MIB1: variants seen among roughly 807,000 people sequenced by gnomAD.
The protein encoded by MIB1 is MIB E3 ubiquitin protein ligase 1.
In MIB1, 278 loss-of-function variants were observed where a neutral mutation model predicts 124.5. That is an observed-to-expected ratio of 2.23 (90% CI 2.02 to 2.47). The LOEUF (loss-of-function observed/expected upper bound fraction) is 2.47. MIB1 is among the 30% of genes most tolerant of loss of function. MIB1 has a pLI of 0.00. For synonymous variants in MIB1, 446 were observed against 429.4 expected (o/e 1.04, Z -0.48); for missense variants, 957 against 1,254.4 (o/e 0.76, Z 3.58).
intron 3 of MIB1, among the ~76,000 whole-genome samples, chr18:21,771,846 G>A (rs1050182544): frequency 4.0e-5 from 6 of 150,926 alleles, no homozygotes; most frequent in African/African-American, 1.5e-4. Context: ...AAAAAAAAAC[G>A]AAAATTAGCC....
rs559554619 is a variant in MIB1 at position 21,870,449 on chromosome 18, G to A, written c.*5783G>A. The A allele has an allele frequency of 6.6e-6, 1 of 152,170 alleles. No homozygotes were observed. The highest frequency in any genetic ancestry group is 1.9e-4 in the East Asian group (1 of 5,178). The allele number at this position is 152,170 out of a possible 1,614,324, so 9.4% of individuals were successfully genotyped here. ...ATTTTAACACCTCACATTCTTTCAG[G>A]ATTAAGACATATGAAAATAGTCTGA... On this transcript the variant is annotated 3_prime_UTR_variant, in exon 21 of 21. Coordinates refer to ENST00000261537, the MANE Select transcript of MIB1 (RefSeq NM_020774.4).
intron 1 of MIB1, among the ~76,000 whole-genome samples, chr18:21,706,523 G>A (rs1001643995): frequency 6.6e-6 from 1 of 152,184 alleles, no homozygotes; most frequent in Non-Finnish European, 1.5e-5. Flanking sequence ...AGAGAGAGGC[G>A]TGGGCGGGAA....
chr18:21,843,124 C>A lies in MIB1; in HGVS notation c.1963-7C>A. 9 of 1,595,994 alleles carry A rather than the reference C, an allele frequency of 5.6e-6. No homozygotes were observed. Among genetic ancestry groups the A allele is most frequent in the South Asian group, 2.3e-5 (2 of 87,180 alleles). On this transcript the variant is annotated splice_region_variant and splice_polypyrimidine_tract_variant and intron_variant, in intron 13 of 20. Coordinates refer to ENST00000261537, the MANE Select transcript of MIB1 (RefSeq NM_020774.4). ...TTAACCATTTAACATTTGTTCTTCTCGTTCAGGGTAATGCAAACCTGGATA... is the reference window on the plus strand; with the variant it reads ...TTAACCATTTAACATTTGTTCTTCTAGTTCAGGGTAATGCAAACCTGGATA...
chr18:21,766,965 A>C (rs1250146326), intron 2 of MIB1, among the ~76,000 whole-genome samples: 1 of 152,224 alleles, frequency 6.6e-6, no homozygotes, highest in East Asian at 1.9e-4. Context: ...GATTATGTGA[A>C]TGAGAAAGAT....
At chr18:21,724,131 T>A (rs2040727097) in intron 1 of MIB1, 1 of 152,794 alleles carries the variant, frequency 6.5e-6, no homozygotes, top group Non-Finnish European at 1.5e-5. Flanking sequence ...CTGATCTGAG[T>A]ACAGTGGTGT....
intron 1 of MIB1, among the ~76,000 whole-genome samples, chr18:21,725,094 C>CAAAAAAAAAAAAAAAAAA (rs1218383555): frequency 2.3e-5 from 1 of 44,208 alleles, no homozygotes; most frequent in African/African-American, 8.3e-5. Flanking sequence ...GACTCTGTCT[C>CAAAAAAAAAAAAAAAAAA]AAAAAAAAAA....
At chr18:21,823,815 A>G (rs2041901094) in intron 12 of MIB1, among the ~76,000 whole-genome samples, 1 of 152,192 alleles carries the variant, frequency 6.6e-6, no homozygotes, top group Admixed American at 6.5e-5. Context: ...CTGATAGTTA[A>G]TATTTATAGG....
At chr18:21,754,111 A>G (rs1250245712) in intron 1 of MIB1, among the ~76,000 whole-genome samples, 1 of 152,222 alleles carries the variant, frequency 6.6e-6, no homozygotes, top group Non-Finnish European at 1.5e-5. Context: ...TGGCTCTGCC[A>G]GTAGGAGGCA....
At chr18:21,705,629 C>T (rs2040618383) in intron 1 of MIB1, among the ~76,000 whole-genome samples, 1 of 151,968 alleles carries the variant, frequency 6.6e-6, no homozygotes, top group African/African-American at 2.4e-5. Context: ...CTTAAACAGA[C>T]GAAAGAAGGG....
chr18:21,866,055 A>G lies in MIB1; in HGVS notation c.*1389A>G, dbSNP rs1423990052. On this transcript the variant is annotated 3_prime_UTR_variant, in exon 21 of 21. Transcript: ENST00000261537. ...ATCAGGTGTTTACATAGTGTCTACT[A>G]TATGCTGTTGATAAGCTTTTTCCTA... 6.6e-6 allele frequency: 1 copy of G among 152,194 alleles called. No individual in the cohort carries two copies. Among genetic ancestry groups the G allele is most frequent in the African/African-American group, 2.4e-5 (1 of 41,458 alleles). 9.4% of individuals were successfully genotyped at this position (152,194 alleles called of 1,614,324 possible). A position where few individuals can be genotyped will look rare whatever the true frequency, so the allele number is the denominator to read the frequency against.
chr18:21,859,911 AGG>A (rs1305521048), intron 20 of MIB1, among the ~76,000 whole-genome samples: 10 of 145,728 alleles, frequency 6.9e-5, no homozygotes, highest in South Asian at 2.1e-4. Flanking sequence ...AAAAAAAAAA[AGG>A]AAAAATGTGT....
At chr18:21,777,655 A>G (rs1355747503) in intron 4 of MIB1, among the ~76,000 whole-genome samples, 1 of 150,786 alleles carries the variant, frequency 6.6e-6, no homozygotes, top group Non-Finnish European at 1.5e-5. Context: ...CCCGGGTTCA[A>G]GCGATTCTCC....
intron 1 of MIB1, among the ~76,000 whole-genome samples, chr18:21,712,904 A>G (rs1434308843): frequency 2.0e-5 from 3 of 152,168 alleles, no homozygotes; most frequent in African/African-American, 7.2e-5. Context: ...ATAAATATTA[A>G]TGGCTCTTTT....
intron 12 of MIB1, among the ~76,000 whole-genome samples, chr18:21,831,665 G>C (rs1243929790): frequency 1.3e-5 from 2 of 151,382 alleles, no homozygotes; most frequent in East Asian, 1.9e-4. Flanking sequence ...TTTTTTTGAG[G>C]GGGGGTAAGC....
rs1201183546 is a variant in MIB1, at chr18:21,779,472, A to G, written c.704-9A>G. 6.2e-7 allele frequency: 1 copy of G among 1,613,214 alleles called. No homozygotes were observed. The highest frequency in any genetic ancestry group is 8.5e-7 in the Non-Finnish European group (1 of 1,179,232). ...TTCTCCCTTTATTCAATTGCCTCTGAAATTACAGGTGAGCAGAATGGCAAC... is the reference window on the plus strand; with the variant it reads ...TTCTCCCTTTATTCAATTGCCTCTGGAATTACAGGTGAGCAGAATGGCAAC... On this transcript the variant is annotated splice_polypyrimidine_tract_variant and intron_variant, in intron 5 of 20. Coordinates refer to ENST00000261537, the MANE Select transcript of MIB1 (RefSeq NM_020774.4).
At chr18:21,764,922 G>T (rs2041139832) in intron 1 of MIB1, among the ~76,000 whole-genome samples, 1 of 152,048 alleles carries the variant, frequency 6.6e-6, no homozygotes, top group Non-Finnish European at 1.5e-5. Flanking sequence ...CATCCAGGAT[G>T]TGTTTATAAA....
At chr18:21,735,444 T>C (rs1271086593) in intron 1 of MIB1, among the ~76,000 whole-genome samples, 1 of 151,194 alleles carries the variant, frequency 6.6e-6, no homozygotes, top group Non-Finnish European at 1.5e-5. Flanking sequence ...TGGGTGGTCA[T>C]TTGGGCAGAT....
At chr18:21,778,702 TTTTC>T (rs1426075665) in intron 5 of MIB1, among the ~76,000 whole-genome samples, 1 of 152,182 alleles carries the variant, frequency 6.6e-6, no homozygotes, top group African/African-American at 2.4e-5. Context: ...CTCTGAATGG[TTTTC>T]TTTCTCATGT....
At chr18:21,720,641 A>C (rs971750978) in intron 1 of MIB1, among the ~76,000 whole-genome samples, 3 of 152,118 alleles carry the variant, frequency 2.0e-5, no homozygotes, top group African/African-American at 7.2e-5. Flanking sequence ...AAGACACTGG[A>C]TATTTGGCGA....
Sources: allele counts gnomAD v4.1 joint callset (sites outside exome capture counted in the v4.1 genomes callset), GRCh38; gene constraint gnomAD v4.1.1; transcripts MANE v1.5; gene names NCBI Gene and HGNC (gene_info 2026-07-23, HGNC 2026-07-21).